TPD52: variants seen among roughly 807,000 people sequenced by gnomAD.
The protein encoded by TPD52 is prostate and colon associated protein.
Under a neutral mutation model 31.3 loss-of-function variants are expected in TPD52, and 17 were observed. The observed-to-expected ratio is 0.54, with a 90% CI of 0.37 to 0.82. The LOEUF is 0.82. Among genes scored for constraint, TPD52 ranks in the 40% least tolerant of loss-of-function variants. The probability of loss-of-function intolerance (pLI) is 0.00; values close to 1 mark genes in which losing one functional copy is unlikely to be tolerated. For synonymous variants in TPD52, 83 were observed against 89.6 expected (o/e 0.93, Z 0.42); for missense variants, 212 against 240.1 (o/e 0.88, Z 0.77).
rs1421694539 is a variant in TPD52, at chr8:80,120,788, C to CA, written c.19+50636dup. On this transcript the variant is annotated intron_variant, in intron 1 of 7. Transcript: ENST00000518937. Reference sequence around the variant, plus strand: ...GATAATATTCATTTGTCATTTAAAACAAAAAATCAGACTGGACGGGGTGGT... The same window carrying CA: ...GATAATATTCATTTGTCATTTAAAACAAAAAAATCAGACTGGACGGGGTGGT... Among the ~76,000 whole-genome samples, 10 of 151,998 alleles carry CA rather than the reference C, an allele frequency of 6.6e-5. No individual in the cohort carries two copies. In the East Asian group the frequency reaches 1.4e-3, roughly 21 times the overall value.
intron 1 of TPD52, among the ~76,000 whole-genome samples, chr8:80,135,747 G>C (rs969815007): frequency 1.4e-5 from 2 of 147,754 alleles, no homozygotes; most frequent in African/African-American, 5.0e-5. Context: ...GTCCAACAAT[G>C]ATAGACTGGA....
chr8:80,102,167 G>A (rs1233956569), intron 1 of TPD52, among the ~76,000 whole-genome samples: 1 of 152,216 alleles, frequency 6.6e-6, no homozygotes, highest in Non-Finnish European at 1.5e-5. Flanking sequence ...AGGCATGAGG[G>A]AGCAGCTTAG....
intron 1 of TPD52, among the ~76,000 whole-genome samples, chr8:80,077,423 C>G (rs1160485372): frequency 6.6e-6 from 1 of 152,024 alleles, no homozygotes; most frequent in Non-Finnish European, 1.5e-5. Context: ...ATGTTCAGCC[C>G]AAAGATGGAA....
chr8:80,047,174 G>A (rs1810946407), intron 5 of TPD52, among the ~76,000 whole-genome samples: 1 of 152,108 alleles, frequency 6.6e-6, no homozygotes, highest in African/African-American at 2.4e-5. Context: ...GACAGTGCAG[G>A]CTCCAGGACT....
At position 80,095,462 on chromosome 8, in the gene TPD52, C is replaced by T. The variant is rs116582069; in HGVS notation, c.20-30869G>A. ...GCAATGGTGGCTACATATTATGCAT[C>T]TGTCAAAATCCATTGAACTGGACAA... is the stretch of plus-strand genomic sequence containing the variant. On this transcript the variant is annotated intron_variant, in intron 1 of 7. Coordinates refer to ENST00000518937, the MANE Select transcript of TPD52 (RefSeq NM_001025253.3). Among the ~76,000 whole-genome samples, 397 of 152,278 alleles carry T rather than the reference C, an allele frequency of 2.6e-3. 2 individuals are homozygous for T. The highest frequency in any genetic ancestry group is 9.1e-3 in the African/African-American group (380 of 41,558).
intron 1 of TPD52, among the ~76,000 whole-genome samples, chr8:80,160,772 G>A (rs538726481): frequency 5.3e-5 from 8 of 151,852 alleles, no homozygotes; most frequent in East Asian, 1.9e-4. Flanking sequence ...GGACACGGGC[G>A]GTGGCTCATG....
chr8:80,076,501 CA>C (rs1309310940), intron 1 of TPD52, among the ~76,000 whole-genome samples: 1 of 151,262 alleles, frequency 6.6e-6, no homozygotes, highest in Non-Finnish European at 1.5e-5. Flanking sequence ...TGGGGCCTAC[CA>C]GAGGGTGGAG....
At chr8:80,105,017 C>T (rs1213574196) in intron 1 of TPD52, among the ~76,000 whole-genome samples, 1 of 151,782 alleles carries the variant, frequency 6.6e-6, no homozygotes, top group Admixed American at 6.6e-5. Flanking sequence ...CTGAGATGTG[C>T]CACTGCACTC....
At chr8:80,087,662 A>G (rs1815918834) in intron 1 of TPD52, among the ~76,000 whole-genome samples, 1 of 152,128 alleles carries the variant, frequency 6.6e-6, no homozygotes, top group African/African-American at 2.4e-5. Flanking sequence ...GCCCCTTCTG[A>G]GAGCTGGAAG....
chr8:80,171,039 C>T, intron 1 of TPD52: 1 of 493,354 alleles, frequency 2.0e-6, no homozygotes, highest in Non-Finnish European at 3.7e-6. Context: ...ACGAGAGCGA[C>T]TCACTGTCCT....
At chr8:80,119,919 A>T (rs1354117753) in intron 1 of TPD52, 1 of 359,450 alleles carries the variant, frequency 2.8e-6, no homozygotes, top group Non-Finnish European at 5.4e-6. Flanking sequence ...ATACACAATT[A>T]AAATGTTAGA....
chr8:80,127,995 TG>T (rs1391806498), intron 1 of TPD52, among the ~76,000 whole-genome samples: 4 of 143,406 alleles, frequency 2.8e-5, no homozygotes, highest in East Asian at 1.9e-4. Flanking sequence ...ATTTCTGTTT[TG>T]TTTTTTTTTT....
At chr8:80,069,561 C>CA (rs1813540633) in intron 1 of TPD52, among the ~76,000 whole-genome samples, 1 of 151,936 alleles carries the variant, frequency 6.6e-6, no homozygotes, top group African/African-American at 2.4e-5. Context: ...GAGGCAGAGA[C>CA]AGGCAGATCA....
chr8:80,099,600 T>C (rs1277859684), intron 1 of TPD52, among the ~76,000 whole-genome samples: 1 of 146,708 alleles, frequency 6.8e-6, no homozygotes, highest in Non-Finnish European at 1.5e-5. Context: ...AACCTCCGCC[T>C]CCCAGGTTCA....
rs146364666 is a variant in TPD52 at position 80,161,603 on chromosome 8, A to G, written c.19+9822T>C. Among the ~76,000 whole-genome samples, 649 of 152,136 alleles carry G rather than the reference A, an allele frequency of 4.3e-3. 5 individuals carry two copies. Among genetic ancestry groups the G allele is most frequent in the African/African-American group, 0.014 (599 of 41,518 alleles). On this transcript the variant is annotated intron_variant, in intron 1 of 7. Transcript: ENST00000518937. Reference sequence around the variant, plus strand: ...TTTCTTAAGCCCTCCTGATTGGACCATAAGCTCCTTTTCCACACCACAATG... The same window carrying G: ...TTTCTTAAGCCCTCCTGATTGGACCGTAAGCTCCTTTTCCACACCACAATG...
chr8:80,085,489 G>T (rs1299295906), intron 1 of TPD52, among the ~76,000 whole-genome samples: 4 of 152,182 alleles, frequency 2.6e-5, no homozygotes, highest in Non-Finnish European at 4.4e-5. Context: ...GGGAGACAAT[G>T]TGGCTGTCCA....
At chr8:80,143,400 T>G (rs1213709609) in intron 1 of TPD52, among the ~76,000 whole-genome samples, 1 of 152,230 alleles carries the variant, frequency 6.6e-6, no homozygotes, top group Non-Finnish European at 1.5e-5. Context: ...TCAACTTCAC[T>G]GATAGACTTA....
intron 4 of TPD52, among the ~76,000 whole-genome samples, chr8:80,051,020 C>T (rs1013195893): frequency 1.4e-5 from 2 of 144,592 alleles, no homozygotes; most frequent in Middle Eastern, 3.3e-3. Flanking sequence ...AAAAAAGCAA[C>T]AACTCAAAAT....
intron 5 of TPD52, among the ~76,000 whole-genome samples, chr8:80,047,098 A>C (rs543370307): frequency 1.7e-4 from 26 of 152,310 alleles, no homozygotes; most frequent in Non-Finnish European, 2.9e-4. Context: ...GCTATTGTTC[A>C]AAGTGCTGGA....
Sources: gnomAD v4.1 joint callset for allele counts (sites outside exome capture counted in the v4.1 genomes callset) on GRCh38, gnomAD v4.1.1 for gene constraint, MANE v1.5 for transcripts, NCBI Gene and HGNC (gene_info 2026-07-23, HGNC 2026-07-21) for gene names.